The following EXOC4 variants were observed in gnomAD, a reference collection of about 807,000 sequenced individuals.
EXOC4 encodes the protein exocyst complex component 4.
In EXOC4, 71 loss-of-function variants were observed where a neutral mutation model predicts 107.2. That is an observed-to-expected ratio of 0.66 (90% CI 0.55 to 0.81). EXOC4 has a LOEUF of 0.81. Ranked by LOEUF, EXOC4 falls within the 30% of genes least tolerant of loss-of-function variation. EXOC4 has a pLI of 0.00. For missense variants in EXOC4, 1,108 were observed against 1,189.6 expected, an observed-to-expected ratio of 0.93 and a Z score of 1.01; for synonymous variants, 456 against 441.2, an observed-to-expected ratio of 1.03 and a Z score of -0.42.
chr7:133,717,834 C>G (rs529616095), intron 10 of EXOC4, among the ~76,000 whole-genome samples: 1 of 152,124 alleles, frequency 6.6e-6, no homozygotes, highest in Admixed American at 6.5e-5. Context: ...AAAAAGTTGC[C>G]TTAACTAAAG....
intron 10 of EXOC4, among the ~76,000 whole-genome samples, chr7:133,765,247 C>T (rs945265566): frequency 6.6e-5 from 10 of 151,752 alleles, no homozygotes; most frequent in African/African-American, 2.4e-4. Context: ...GTTTTTTTCT[C>T]CTTGATTTCA....
chr7:134,000,248 C>T (rs979000477), intron 15 of EXOC4, among the ~76,000 whole-genome samples: 1 of 152,152 alleles, frequency 6.6e-6, no homozygotes, highest in African/African-American at 2.4e-5. Flanking sequence ...TGCACTTACT[C>T]TATCCTGGTC....
intron 9 of EXOC4, among the ~76,000 whole-genome samples, chr7:133,569,744 C>T (rs927022012): frequency 2.0e-4 from 31 of 152,166 alleles, no homozygotes; most frequent in African/African-American, 7.5e-4. Context: ...CAAATTTTGA[C>T]AGTCTTTTGC....
intron 10 of EXOC4, among the ~76,000 whole-genome samples, chr7:133,692,765 C>T (rs575529266): frequency 2.6e-5 from 4 of 152,310 alleles, no homozygotes; most frequent in Admixed American, 1.3e-4. Flanking sequence ...TGTTCATGTA[C>T]GTTTTTATTC....
At chr7:133,895,550 C>T (rs749389713) in intron 11 of EXOC4, 49 bp from the exon 12 acceptor site, 1 of 1,587,562 alleles carries the variant, frequency 6.3e-7, no homozygotes, top group African/African-American at 1.3e-5. Context: ...CCTTGTCCAA[C>T]ACATTGACTA....
At chr7:133,625,201 A>C (rs1686614811) in intron 9 of EXOC4, among the ~76,000 whole-genome samples, 1 of 152,220 alleles carries the variant, frequency 6.6e-6, no homozygotes, top group Non-Finnish European at 1.5e-5. Context: ...TTGTGAAATC[A>C]GTTAGATCGT....
chr7:133,442,463 C>T (rs1052178497), intron 7 of EXOC4, among the ~76,000 whole-genome samples: 1 of 152,102 alleles, frequency 6.6e-6, no homozygotes, highest in Non-Finnish European at 1.5e-5. Context: ...CAAGAGCGGG[C>T]AGTCTGACAA....
At chr7:133,323,792 C>T (rs537072285) in intron 5 of EXOC4, among the ~76,000 whole-genome samples, 15 of 152,286 alleles carry the variant, frequency 9.8e-5, no homozygotes, top group African/African-American at 3.1e-4. Context: ...ATGGTACCAG[C>T]TCCTCCTTGT....
At chr7:133,544,167 A>G (rs139342516) in intron 9 of EXOC4, among the ~76,000 whole-genome samples, 96 of 152,260 alleles carry the variant, frequency 6.3e-4, no homozygotes, top group African/African-American at 2.0e-3. Context: ...CTCACCATCT[A>G]TACTTGCAGC....
chr7:133,717,257 G>C (rs1011845350), intron 10 of EXOC4, among the ~76,000 whole-genome samples: 1 of 152,138 alleles, frequency 6.6e-6, no homozygotes, highest in Non-Finnish European at 1.5e-5. Context: ...GAGAACTTTC[G>C]ATCATAAAGT....
intron 13 of EXOC4, among the ~76,000 whole-genome samples, chr7:133,930,865 G>T (rs1800160784): frequency 6.6e-6 from 1 of 152,058 alleles, no homozygotes; most frequent in Non-Finnish European, 1.5e-5. Context: ...TTATGCTTCA[G>T]AGTAGGTTGG....
At chr7:133,556,652 A>G (rs1410016034) in intron 9 of EXOC4, among the ~76,000 whole-genome samples, 2 of 152,220 alleles carry the variant, frequency 1.3e-5, no homozygotes, top group Non-Finnish European at 2.9e-5. Flanking sequence ...AGACCTACAC[A>G]GGGAATGTTA....
chr7:133,608,436 G>A (rs4728292), intron 9 of EXOC4, among the ~76,000 whole-genome samples: 55,212 of 151,586 alleles, frequency 0.36, 10,910 homozygotes, highest in African/African-American at 0.52. Flanking sequence ...AAAAGAATGT[G>A]GTATTCAAAC....
intron 7 of EXOC4, among the ~76,000 whole-genome samples, chr7:133,472,375 TG>T (rs1798900770): frequency 6.6e-6 from 1 of 152,164 alleles, no homozygotes; most frequent in Non-Finnish European, 1.5e-5. Context: ...TTAATGATCT[TG>T]AGGACTAATT....
intron 17 of EXOC4, among the ~76,000 whole-genome samples, chr7:134,027,708 G>C (rs555554039): frequency 6.6e-6 from 1 of 152,022 alleles, no homozygotes; most frequent in African/African-American, 2.4e-5. Context: ...TTCTCATGGG[G>C]TTAGTGAAGG....
chr7:133,355,723 T>C (rs1037116246), intron 5 of EXOC4, among the ~76,000 whole-genome samples: 22 of 152,216 alleles, frequency 1.4e-4, no homozygotes, highest in Non-Finnish European at 2.8e-4. Context: ...GATAATTATG[T>C]TGTAGCAGAC....
rs529978321 is a variant in EXOC4 at position 133,646,115 on chromosome 7, A to G, written c.1514+15974A>G. ...ATTTGTTTAACGTTGCCTGTCAGAA[A>G]AGGTGCTACAACAAGTCAGTCAGGT... On this transcript the variant is annotated intron_variant, in intron 10 of 17. Coordinates refer to ENST00000253861, the MANE Select transcript of EXOC4 (RefSeq NM_021807.4). 5.1e-4 allele frequency among the ~76,000 whole-genome samples: 78 copies of G among 152,326 alleles called. 3 individuals are homozygous for G. The South Asian group carries it at 0.016, about 31-fold the overall frequency.
At chr7:133,778,692 A>G (rs926339771) in intron 10 of EXOC4, among the ~76,000 whole-genome samples, 2 of 152,244 alleles carry the variant, frequency 1.3e-5, no homozygotes, top group Admixed American at 6.5e-5. Flanking sequence ...CGTCTAACCA[A>G]AGTTTCAGAG....
At chr7:133,994,605 G>C (rs1457704845) in intron 14 of EXOC4, among the ~76,000 whole-genome samples, 1 of 152,176 alleles carries the variant, frequency 6.6e-6, no homozygotes, top group East Asian at 1.9e-4. Flanking sequence ...TCCATCCCTA[G>C]TATTAGGAAA....
Sources: allele counts gnomAD v4.1 joint callset (sites outside exome capture counted in the v4.1 genomes callset), GRCh38; gene constraint gnomAD v4.1.1; transcripts MANE v1.5; gene names NCBI Gene and HGNC (gene_info 2026-07-23, HGNC 2026-07-21).